The following HUNK variants were observed in gnomAD, a reference collection of about 807,000 sequenced individuals.
HUNK encodes the protein hormonally up-regulated neu tumor-associated kinase.
A neutral mutation model predicts 61.0 loss-of-function variants in HUNK; 21 were observed. The ratio of observed to expected loss-of-function variants is 0.34; its 90% CI spans 0.24 to 0.50. HUNK has a LOEUF of 0.50. Ranked by LOEUF, HUNK falls within the 20% of genes least tolerant of loss-of-function variation. The pLI is 0.98. For synonymous variants in HUNK, 371 were observed against 386.1 expected, an observed-to-expected ratio of 0.96 and a Z score of 0.46; for missense variants, 772 against 945.7, an observed-to-expected ratio of 0.82 and a Z score of 2.41.
chr21:31,951,501 A>G (rs867535626), intron 4 of HUNK, among the ~76,000 whole-genome samples: 1 of 152,152 alleles, frequency 6.6e-6, no homozygotes, highest in Admixed American at 6.5e-5. Flanking sequence ...TGAGAATGCA[A>G]CGTTGTTGGA....
At chr21:31,885,361 C>T (rs1457152508) in intron 1 of HUNK, among the ~76,000 whole-genome samples, 1 of 152,196 alleles carries the variant, frequency 6.6e-6, no homozygotes, top group Non-Finnish European at 1.5e-5. Context: ...TTGGTGGGGC[C>T]GACAGGCGGG....
chr21:31,969,648 C>G (rs2052996633), intron 6 of HUNK, among the ~76,000 whole-genome samples: 1 of 151,782 alleles, frequency 6.6e-6, no homozygotes, highest in Non-Finnish European at 1.5e-5. Context: ...CTCGCTACAG[C>G]CTCCACCTCC....
At chr21:31,919,358 A>G (rs2052608019) in intron 1 of HUNK, among the ~76,000 whole-genome samples, 1 of 152,146 alleles carries the variant, frequency 6.6e-6, no homozygotes. Flanking sequence ...GAAGTGAGAG[A>G]GTGGGGAGAA....
intron 1 of HUNK, among the ~76,000 whole-genome samples, chr21:31,891,063 A>G (rs2052384588): frequency 6.6e-6 from 1 of 152,132 alleles, no homozygotes; most frequent in Non-Finnish European, 1.5e-5. Flanking sequence ...CTGGCCCCCA[A>G]CCAGACAAAA....
intron 2 of HUNK, among the ~76,000 whole-genome samples, chr21:31,931,259 C>G (rs906354906): frequency 6.6e-6 from 1 of 152,012 alleles, no homozygotes; most frequent in African/African-American, 2.4e-5. Context: ...CTTCCCTGGG[C>G]CCCTTCTCTC....
chr21:31,930,947 A>G (rs2052691991), intron 2 of HUNK, among the ~76,000 whole-genome samples: 1 of 152,098 alleles, frequency 6.6e-6, no homozygotes, highest in Non-Finnish European at 1.5e-5. Context: ...TTGAATAAAT[A>G]AATCAGGTTC....
rs540302492 is a variant in HUNK, at chr21:32,000,373, G to A, written c.*1189G>A. The A allele has an allele frequency of 7.5e-6, 3 of 399,120 alleles. No individual in the cohort carries two copies. The highest frequency in any genetic ancestry group is 1.3e-4 in the South Asian group (1 of 7,850). The allele number at this position is 399,120 out of a possible 1,614,324, so 24.7% of individuals were successfully genotyped here. A position where few individuals can be genotyped will look rare whatever the true frequency, so the allele number is the denominator to read the frequency against. ...TCAAACAGGGTTCAGTCCACGTTGT[G>A]TTTTCACACCTTTCTCCAAGGATCG... On this transcript the variant is annotated 3_prime_UTR_variant, in exon 11 of 11. Coordinates refer to ENST00000270112, the MANE Select transcript of HUNK (RefSeq NM_014586.2).
At chr21:31,922,574 T>G (rs2009202) in intron 1 of HUNK, among the ~76,000 whole-genome samples, 152,242 of 152,252 alleles carry the variant, frequency 1, 76,116 homozygotes, top group Middle Eastern at 1. Flanking sequence ...TAATTCACCC[T>G]CCTCGGCCTC....
In HUNK at chr21:31,999,006, G is replaced by T. The variant is rs1220294420; in HGVS notation, c.1967G>T (p.Cys656Phe). 6.2e-7 allele frequency: 1 copy of T among 1,614,194 alleles called. No homozygotes were observed. The highest frequency in any genetic ancestry group is 2.2e-5 in the East Asian group (1 of 44,878). The part of the protein sequence containing the change: ...GPMQPLGSPN[C>F]VKSRGRFPMM... The stretch of plus-strand genomic sequence containing the variant: ...ATGCAGCCTCTGGGGAGCCCCAATT[G>T]TGTGAAAAGCCGAGGCCGGTTCCCT... The change falls in exon 11 of 11, where the codon TGT (cysteine) becomes TTT (phenylalanine). Residue 656 changes from cysteine (C) to phenylalanine (F), a missense_variant. Around this residue, in one of 2 missense-constraint regions of HUNK, gnomAD observed 413 missense variants for 444.4 expected, o/e 0.93. Transcript: ENST00000270112.
At chr21:31,939,239 G>A (rs1178360605) in intron 2 of HUNK, among the ~76,000 whole-genome samples, 1 of 152,056 alleles carries the variant, frequency 6.6e-6, no homozygotes, top group African/African-American at 2.4e-5. Context: ...GGGTGTGACA[G>A]CAGGAATTAG....
In HUNK at chr21:31,999,540, C is replaced by A; in HGVS notation, c.*356C>A. 4.1e-6 allele frequency: 1 copy of A among 244,526 alleles called. No homozygotes were observed. The highest frequency in any genetic ancestry group is 7.9e-6 in the Non-Finnish European group (1 of 126,550). The allele number at this position is 244,526 out of a possible 1,614,324, so 15.1% of individuals were successfully genotyped here. On this transcript the variant is annotated 3_prime_UTR_variant, in exon 11 of 11. Transcript: ENST00000270112. ...TGGACTGTTACCAGATCTTTCTTCA[C>A]GCTGTGCTACATGTGTGCCTCTCAC...
chr21:31,978,709 C>T (rs182017276), intron 7 of HUNK, among the ~76,000 whole-genome samples: 1 of 152,244 alleles, frequency 6.6e-6, no homozygotes, highest in East Asian at 1.9e-4. Context: ...AGGTACCACA[C>T]ACTTTCTTTA....
At chr21:31,926,695 T>G (rs2052662450) in intron 2 of HUNK, among the ~76,000 whole-genome samples, 1 of 152,194 alleles carries the variant, frequency 6.6e-6, no homozygotes, top group Non-Finnish European at 1.5e-5. Flanking sequence ...TTTTTATGAC[T>G]GCATAATACT....
chr21:31,989,935 C>T (rs929443354), intron 8 of HUNK, among the ~76,000 whole-genome samples, 194 bp from the exon 9 acceptor site: 2 of 152,018 alleles, frequency 1.3e-5, no homozygotes, highest in Non-Finnish European at 1.5e-5. Context: ...AAAAAGTTTA[C>T]CTAGAAAATC....
rs550728539 is a variant in HUNK, at chr21:31,930,039, T to C, written c.554+5279T>C. ...GTTACAGCAAAAGTTTTGTGTTTAATTGGGTTTAAAAAAATAGCATTGGAA... is the reference window on the plus strand; with the variant it reads ...GTTACAGCAAAAGTTTTGTGTTTAACTGGGTTTAAAAAAATAGCATTGGAA... On this transcript the variant is annotated intron_variant, in intron 2 of 10. Coordinates refer to ENST00000270112, the MANE Select transcript of HUNK (RefSeq NM_014586.2). 4.6e-5 allele frequency among the ~76,000 whole-genome samples: 7 copies of C among 152,326 alleles called. No homozygotes were observed. The South Asian group carries it at 1.2e-3, about 27-fold the overall frequency.
chr21:31,978,943 C>T (rs1020568903), intron 7 of HUNK, among the ~76,000 whole-genome samples: 5 of 152,036 alleles, frequency 3.3e-5, no homozygotes, highest in Non-Finnish European at 5.9e-5. Context: ...ACATTCCCAC[C>T]GACAGTGTGC....
chr21:31,937,210 A>C (rs1313162323), intron 2 of HUNK, among the ~76,000 whole-genome samples: 1 of 152,222 alleles, frequency 6.6e-6, no homozygotes, highest in Non-Finnish European at 1.5e-5. Context: ...TCATATGATA[A>C]GGACACAATT....
intron 8 of HUNK, 36 bp from the exon 9 acceptor site, chr21:31,990,093 G>A: frequency 6.3e-7 from 1 of 1,597,602 alleles, no homozygotes; most frequent in Non-Finnish European, 8.6e-7. Context: ...AGCAGGTGCA[G>A]ATTCTCGAAT....
intron 1 of HUNK, among the ~76,000 whole-genome samples, chr21:31,897,215 A>T (rs985088641): frequency 1.3e-5 from 2 of 152,186 alleles, no homozygotes; most frequent in African/African-American, 4.8e-5. Flanking sequence ...CACTCACTCC[A>T]GCTGGGTTGA....
Sources: allele counts gnomAD v4.1 joint callset (sites outside exome capture counted in the v4.1 genomes callset), GRCh38; gene constraint gnomAD v4.1.1; regional missense constraint gnomAD v4.1.1; transcripts MANE v1.5; gene names NCBI Gene and HGNC (gene_info 2026-07-23, HGNC 2026-07-21).